Variants in SLC39A8 observed in about 807,000 individuals in gnomAD.
The protein encoded by SLC39A8 is metal cation symporter ZIP8.
Under a neutral mutation model 40.4 loss-of-function variants are expected in SLC39A8, and 15 were observed. The observed-to-expected ratio is 0.37, with a 90% CI of 0.25 to 0.57. The LOEUF (loss-of-function observed/expected upper bound fraction) is 0.57, where lower values mean the gene tolerates loss of function less well. Among genes scored for constraint, SLC39A8 ranks in the 20% least tolerant of loss-of-function variants. The pLI is 0.75. For missense variants in SLC39A8, 472 were observed against 558.8 expected (o/e 0.84, Z 1.57); for synonymous variants, 223 against 221.6 (o/e 1.01, Z -0.06).
intron 6 of SLC39A8, among the ~76,000 whole-genome samples, chr4:102,279,073 C>T (rs1383706458): frequency 1.3e-5 from 2 of 151,854 alleles, no homozygotes; most frequent in African/African-American, 2.4e-5. Context: ...TGCAGCAAAT[C>T]ACCATGGCAC....
Position 102,262,458 on chromosome 4 carries a change from T to C in SLC39A8, c.*586A>G. The C allele has an allele frequency of 1.0e-6, 1 of 985,300 alleles. No homozygotes were observed. Among genetic ancestry groups the C allele is most frequent in the Non-Finnish European group, 1.2e-6 (1 of 829,718 alleles). 61.0% of individuals were successfully genotyped at this position (985,300 alleles called of 1,614,324 possible). ...CCTAACTCCTATTATTTTAGAATGG[T>C]TTTCAAAATAATACTGCAAGTTCCT... On this transcript the variant is annotated 3_prime_UTR_variant, in exon 9 of 9. Coordinates refer to ENST00000356736, the MANE Select transcript of SLC39A8 (RefSeq NM_001135146.2).
At chr4:102,328,479 G>T (rs1430306802) in intron 2 of SLC39A8, among the ~76,000 whole-genome samples, 1 of 152,138 alleles carries the variant, frequency 6.6e-6, no homozygotes, top group Non-Finnish European at 1.5e-5. Flanking sequence ...TGTCCTTTTA[G>T]AGGATGATGA....
chr4:102,339,119 G>GA (rs1397099297), intron 2 of SLC39A8, among the ~76,000 whole-genome samples: 2 of 152,018 alleles, frequency 1.3e-5, no homozygotes, highest in Non-Finnish European at 2.9e-5. Flanking sequence ...CCAAAGCCTT[G>GA]AAATACAATC....
At position 102,262,212 on chromosome 4, in the gene SLC39A8, T is replaced by C; in HGVS notation, c.*832A>G. The stretch of plus-strand genomic sequence containing the variant: ...CATAAAATTACATCCAATTTCTTTC[T>C]CTAAACCAACATATTCTTCACCTTC... On this transcript the variant is annotated 3_prime_UTR_variant, in exon 9 of 9. Transcript: ENST00000356736. 4 of 985,998 alleles carry C rather than the reference T, an allele frequency of 4.1e-6. No individual in the cohort carries two copies. Among genetic ancestry groups the C allele is most frequent in the Non-Finnish European group, 4.8e-6 (4 of 829,940 alleles). The allele number at this position is 985,998 out of a possible 1,614,324, so 61.1% of individuals were successfully genotyped here.
intron 2 of SLC39A8, among the ~76,000 whole-genome samples, chr4:102,331,185 C>A (rs751354189): frequency 6.6e-6 from 1 of 152,220 alleles, no homozygotes; most frequent in Non-Finnish European, 1.5e-5. Context: ...GGCAATCAGG[C>A]AAGAGAAAGA....
At chr4:102,304,853 T>C (rs1734098276) in intron 5 of SLC39A8, 136 bp downstream of exon 5, 1 of 720,744 alleles carries the variant, frequency 1.4e-6, no homozygotes, top group Non-Finnish European at 2.2e-6. Flanking sequence ...TATTGACTCT[T>C]TGTTCTCCTT....
At chr4:102,271,192 G>C (rs570889148) in intron 6 of SLC39A8, among the ~76,000 whole-genome samples, 2 of 152,138 alleles carry the variant, frequency 1.3e-5, no homozygotes, top group South Asian at 4.2e-4. Context: ...TGAGTAAGAG[G>C]AGCAGGAAGA....
At chr4:102,300,184 A>T (rs566028380) in intron 6 of SLC39A8, among the ~76,000 whole-genome samples, 3 of 152,180 alleles carry the variant, frequency 2.0e-5, no homozygotes, top group African/African-American at 7.2e-5. Context: ...CACACTTAGT[A>T]GGCCTGGAGC....
At chr4:102,258,568 G>C (rs1731766531), downstream of SLC39A8, among the ~76,000 whole-genome samples, 1 of 152,162 alleles carries the variant, frequency 6.6e-6, no homozygotes, top group African/African-American at 2.4e-5. Flanking sequence ...TTCTGGGAAG[G>C]AATCCTTCTC....
At chr4:102,336,622 T>G (rs1735683861) in intron 2 of SLC39A8, among the ~76,000 whole-genome samples, 1 of 152,258 alleles carries the variant, frequency 6.6e-6, no homozygotes, top group Non-Finnish European at 1.5e-5. Context: ...CAGGTTCACC[T>G]TTAATCTAGA....
chr4:102,341,533 C>T (rs1292924796), intron 2 of SLC39A8, among the ~76,000 whole-genome samples: 1 of 152,178 alleles, frequency 6.6e-6, no homozygotes, highest in Admixed American at 6.5e-5. Flanking sequence ...ATAGATCAGA[C>T]CTTTATCCAG....
intron 6 of SLC39A8, among the ~76,000 whole-genome samples, chr4:102,297,209 G>T (rs893595980): frequency 7.3e-5 from 11 of 151,620 alleles, no homozygotes; most frequent in African/African-American, 2.4e-4. Flanking sequence ...AGGAAGGCTG[G>T]TTAACAAATG....
At chr4:102,261,254 C>T (rs1731841246), downstream of SLC39A8, among the ~76,000 whole-genome samples, 1 of 152,216 alleles carries the variant, frequency 6.6e-6, no homozygotes. Flanking sequence ...GCATGGAGGA[C>T]AGACTGGAAG....
intron 3 of SLC39A8, among the ~76,000 whole-genome samples, chr4:102,312,335 A>G (rs755507409): frequency 6.6e-6 from 1 of 151,994 alleles, no homozygotes; most frequent in Non-Finnish European, 1.5e-5. Flanking sequence ...CCTAAGAGGC[A>G]TTTCTCTTTT....
At chr4:102,268,565 TCA>T (rs1450781481) in intron 6 of SLC39A8, among the ~76,000 whole-genome samples, 12 of 152,356 alleles carry the variant, frequency 7.9e-5, no homozygotes, top group African/African-American at 2.6e-4. Flanking sequence ...GAGCAAGTTA[TCA>T]CAGAGTTCCT....
At chr4:102,260,981 A>G (rs1412250907), downstream of SLC39A8, among the ~76,000 whole-genome samples, 4 of 152,220 alleles carry the variant, frequency 2.6e-5, no homozygotes, top group East Asian at 1.9e-4. Context: ...GAAATTCCCA[A>G]TGTGGAAGAG....
intron 3 of SLC39A8, among the ~76,000 whole-genome samples, chr4:102,314,791 C>T (rs1299567707): frequency 6.6e-6 from 1 of 152,104 alleles, no homozygotes; most frequent in East Asian, 1.9e-4. Flanking sequence ...TTCTTCATAG[C>T]ACCTTTCACT....
At chr4:102,344,376 G>A in intron 2 of SLC39A8, 68 bp downstream of exon 2, 1 of 1,116,810 alleles carries the variant, frequency 9.0e-7, no homozygotes, top group East Asian at 3.0e-5. Flanking sequence ...AATAAAAACG[G>A]CTCATATACA....
chr4:102,287,127 C>A (rs1471050096), intron 6 of SLC39A8, among the ~76,000 whole-genome samples: 2 of 152,034 alleles, frequency 1.3e-5, no homozygotes, highest in African/African-American at 4.8e-5. Context: ...CCCCAGTGCC[C>A]TCTACTCTTA....
Sources: gnomAD v4.1 joint callset for allele counts (sites outside exome capture counted in the v4.1 genomes callset) on GRCh38, gnomAD v4.1.1 for gene constraint, MANE v1.5 for transcripts, NCBI Gene and HGNC (gene_info 2026-07-23, HGNC 2026-07-21) for gene names.